KIRREL3: variants seen among roughly 807,000 people sequenced by gnomAD.
The protein encoded by KIRREL3 is kirre like nephrin family adhesion molecule 3.
In KIRREL3, 36 loss-of-function variants were observed where a neutral mutation model predicts 89.7. That is an observed-to-expected ratio of 0.40 (90% CI 0.31 to 0.53). The LOEUF (loss-of-function observed/expected upper bound fraction) is 0.53. Among genes scored for constraint, KIRREL3 ranks in the 20% least tolerant of loss-of-function variants. KIRREL3 has a pLI of 0.49. For missense variants in KIRREL3, 864 were observed against 1,056.6 expected, an observed-to-expected ratio of 0.82 and a Z score of 2.53; for synonymous variants, 445 against 441.4, an observed-to-expected ratio of 1.01 and a Z score of -0.10.
chr11:126,712,264 AGT>A (rs3045186), intron 1 of KIRREL3, among the ~76,000 whole-genome samples: 2,603 of 149,704 alleles, frequency 0.017, 79 homozygotes, highest in African/African-American at 0.059. Flanking sequence ...GATAAGGGCG[AGT>A]GTGTGTGTGT....
At chr11:126,777,150 G>A (rs533251573) in intron 1 of KIRREL3, among the ~76,000 whole-genome samples, 1 of 152,172 alleles carries the variant, frequency 6.6e-6, no homozygotes, top group East Asian at 1.9e-4. Flanking sequence ...TTGCTGGATT[G>A]CAATGCCTGG....
chr11:126,655,198 G>T lies in KIRREL3; in HGVS notation c.56-92286C>A, dbSNP rs1945082021. Among the ~76,000 whole-genome samples, 1 of 152,238 alleles carries T rather than the reference G, an allele frequency of 6.6e-6. No individual in the cohort carries two copies. Among genetic ancestry groups the T allele is most frequent in the African/African-American group, 2.4e-5 (1 of 41,464 alleles). On this transcript the variant is annotated intron_variant, in intron 1 of 16. Coordinates refer to ENST00000525144, the MANE Select transcript of KIRREL3 (RefSeq NM_032531.4). The surrounding 1 kb of genome is among the most constrained non-coding windows in gnomAD (Gnocchi z 5.0). ...GTACGGGGAAAGGGGTAAGAAAGGA[G>T]ATTAGTCACTTGAGTCAGGATAATT...
At chr11:126,944,391 A>G (rs564587194) in intron 1 of KIRREL3, 130 of 152,320 alleles carry the variant, frequency 8.5e-4, no homozygotes, top group African/African-American at 2.9e-3. Context: ...CCTTCACAGT[A>G]TCAAGTGCCA....
At position 126,652,801 on chromosome 11, in the gene KIRREL3, C is replaced by G. The variant is rs986815679; in HGVS notation, c.56-89889G>C. ...TCCAGGCAATTCACCAGGACAGAGG[C>G]CTTTCAACTTTCCTCCCTGAGATCT... is the stretch of plus-strand genomic sequence containing the variant. On this transcript the variant is annotated intron_variant, in intron 1 of 16. Coordinates refer to ENST00000525144, the MANE Select transcript of KIRREL3 (RefSeq NM_032531.4). The surrounding 1 kb of genome is among the most constrained non-coding windows in gnomAD (Gnocchi z 4.9). 2.6e-5 allele frequency: 4 copies of G among 152,244 alleles called. No individual in the cohort carries two copies. Among genetic ancestry groups the G allele is most frequent in the Non-Finnish European group, 5.9e-5 (4 of 68,032 alleles). 9.4% of individuals were successfully genotyped at this position (152,244 alleles called of 1,614,324 possible). A position where few individuals can be genotyped will look rare whatever the true frequency, so the allele number is the denominator to read the frequency against.
At chr11:126,826,131 G>A (rs1247857289) in intron 1 of KIRREL3, among the ~76,000 whole-genome samples, 1 of 152,070 alleles carries the variant, frequency 6.6e-6, no homozygotes, top group African/African-American at 2.4e-5. Flanking sequence ...CCAGCTCTTG[G>A]ATGTCTTCCC....
intron 1 of KIRREL3, among the ~76,000 whole-genome samples, chr11:126,798,181 G>A (rs1166573243): frequency 2.7e-5 from 1 of 37,178 alleles, no homozygotes; most frequent in East Asian, 8.8e-4. Flanking sequence ...AGCCCCCAAG[G>A]GTGGCCTGGA....
intron 1 of KIRREL3, among the ~76,000 whole-genome samples, chr11:126,794,817 T>C (rs1950753173): frequency 6.6e-6 from 1 of 152,232 alleles, no homozygotes; most frequent in African/African-American, 2.4e-5. Context: ...AACAGCTTTA[T>C]TAATAATTGC....
At chr11:126,818,808 C>T (rs558757064) in intron 1 of KIRREL3, among the ~76,000 whole-genome samples, 86 of 37,656 alleles carry the variant, frequency 2.3e-3, no homozygotes, top group African/African-American at 0.019. Flanking sequence ...GATTTCAGGT[C>T]AGCCTCTACT....
intron 1 of KIRREL3, among the ~76,000 whole-genome samples, chr11:126,626,350 GAACCAGC>G (rs1943782730): frequency 1.3e-5 from 2 of 152,194 alleles, no homozygotes; most frequent in South Asian, 4.1e-4. Context: ...TTCTAATGAA[GAACCAGC>G]ACACTTGACT....
intron 4 of KIRREL3, among the ~76,000 whole-genome samples, chr11:126,480,586 A>T (rs1957190105): frequency 6.6e-6 from 1 of 152,198 alleles, no homozygotes; most frequent in African/African-American, 2.4e-5. Context: ...CAGCTCCCAG[A>T]CTATCCCTGC....
rs563451519 is a variant in KIRREL3 at position 126,689,345 on chromosome 11, A to G, written c.56-126433T>C. Among the ~76,000 whole-genome samples, 2 of 152,212 alleles carry G rather than the reference A, an allele frequency of 1.3e-5. No homozygotes were observed. Among genetic ancestry groups the G allele is most frequent in the African/African-American group, 4.8e-5 (2 of 41,454 alleles). ...CTTGGAAGATGAGGCTGACCAGGCC[A>G]TGGAGCTGCCCAGACCCCCTGGGAG... On this transcript the variant is annotated intron_variant, in intron 1 of 16. Coordinates refer to ENST00000525144, the MANE Select transcript of KIRREL3 (RefSeq NM_032531.4). The surrounding 1 kb of genome is among the most constrained non-coding windows in gnomAD (Gnocchi z 5.2).
At chr11:126,733,927 C>A (rs1253696092) in intron 1 of KIRREL3, among the ~76,000 whole-genome samples, 1 of 152,190 alleles carries the variant, frequency 6.6e-6, no homozygotes, top group Non-Finnish European at 1.5e-5. Flanking sequence ...CCAGATGGCA[C>A]AGGGATGCCA....
chr11:126,763,187 GA>G lies in KIRREL3; in HGVS notation c.56-200276del, dbSNP rs1195057625. ...TGTTGTCAGCAAGCTGTGTGATCTT[GA>G]ACAACTCCTCTTCTCCCTGAGCAAA... is the stretch of plus-strand genomic sequence containing the variant. On this transcript the variant is annotated intron_variant, in intron 1 of 16. Transcript: ENST00000525144. This position sits in a 1 kb window ranked among gnomAD's most constrained non-coding sequence, Gnocchi z 4.7. 1.3e-5 allele frequency among the ~76,000 whole-genome samples: 2 copies of G among 152,196 alleles called. No homozygotes were observed. The highest frequency in any genetic ancestry group is 4.8e-5 in the African/African-American group (2 of 41,456).
intron 1 of KIRREL3, among the ~76,000 whole-genome samples, chr11:126,787,997 A>G (rs1950531771): frequency 6.6e-6 from 1 of 152,048 alleles, no homozygotes; most frequent in African/African-American, 2.4e-5. Context: ...CATCACCCCC[A>G]TTTTACAGGC....
rs557405855 is a variant in KIRREL3 at position 126,632,397 on chromosome 11, A to T, written c.56-69485T>A. On this transcript the variant is annotated intron_variant, in intron 1 of 16. Coordinates refer to ENST00000525144, the MANE Select transcript of KIRREL3 (RefSeq NM_032531.4). ...AAACCTCAGGCTTTTTGGTTTATACACACACACGAAAGGAAAATGTCCACA... is the reference window on the plus strand; with the variant it reads ...AAACCTCAGGCTTTTTGGTTTATACTCACACACGAAAGGAAAATGTCCACA... Among the ~76,000 whole-genome samples the T allele has an allele frequency of 3.9e-5, 6 of 152,346 alleles. No individual in the cohort carries two copies. The South Asian group carries it at 1.2e-3, about 32-fold the overall frequency.
At chr11:126,438,949 C>T (rs942442274) in intron 11 of KIRREL3, among the ~76,000 whole-genome samples, 1 of 152,206 alleles carries the variant, frequency 6.6e-6, no homozygotes, top group Non-Finnish European at 1.5e-5. Flanking sequence ...CTGCCCACTC[C>T]ACCCCTGGAC....
At chr11:126,458,783 C>A (rs541727002) in intron 6 of KIRREL3, among the ~76,000 whole-genome samples, 1 of 152,306 alleles carries the variant, frequency 6.6e-6, no homozygotes, top group Admixed American at 6.5e-5. Context: ...TGATCTCAAT[C>A]CCAGTTGTAA....
chr11:126,957,685 G>A (rs1440913711), intron 1 of KIRREL3, among the ~76,000 whole-genome samples: 1 of 152,190 alleles, frequency 6.6e-6, no homozygotes, highest in Non-Finnish European at 1.5e-5. Flanking sequence ...GGGAGTAGGT[G>A]ACCTGTTGAG....
At chr11:126,586,127 T>C (rs557322318) in intron 1 of KIRREL3, among the ~76,000 whole-genome samples, 2 of 152,194 alleles carry the variant, frequency 1.3e-5, no homozygotes, top group South Asian at 2.1e-4. Context: ...ATTCAGATGA[T>C]GGGAGGTGAG....
Sources: allele counts gnomAD v4.1 joint callset (sites outside exome capture counted in the v4.1 genomes callset), GRCh38; gene constraint gnomAD v4.1.1; non-coding constraint Gnocchi (gnomAD v3.1); transcripts MANE v1.5; gene names NCBI Gene and HGNC (gene_info 2026-07-23, HGNC 2026-07-21).